Variants in NR2F1-AS1 observed in about 807,000 individuals in gnomAD.
NR2F1-AS1 encodes the protein NR2F1 antisense RNA 1.
chr5:93,493,582 T>C (rs1297891366), intron 4 of NR2F1-AS1, among the ~76,000 whole-genome samples: 11 of 151,842 alleles, frequency 7.2e-5, no homozygotes, highest in Admixed American at 7.2e-4. Context: ...GACTCAAAAT[T>C]CCCAATTTCA....
At chr5:93,518,019 C>T (rs1249053778) in intron 4 of NR2F1-AS1, among the ~76,000 whole-genome samples, 1 of 152,036 alleles carries the variant, frequency 6.6e-6, no homozygotes, top group Non-Finnish European at 1.5e-5. Flanking sequence ...TGGCCTTGAT[C>T]TTGGGGCTTA....
chr5:93,537,165 A>G (rs552231009), intron 4 of NR2F1-AS1, among the ~76,000 whole-genome samples: 10 of 152,348 alleles, frequency 6.6e-5, no homozygotes, highest in African/African-American at 2.4e-4. Context: ...CTCAAAATGG[A>G]TTAGACTTAA....
intron 1 of NR2F1-AS1, among the ~76,000 whole-genome samples, chr5:93,564,875 A>G (rs1752580011): frequency 2.0e-5 from 3 of 152,192 alleles, no homozygotes. Flanking sequence ...TTATATCTAA[A>G]TGACTTTCCA....
chr5:93,484,535 T>A (rs1750674442), intron 4 of NR2F1-AS1, among the ~76,000 whole-genome samples: 1 of 152,078 alleles, frequency 6.6e-6, no homozygotes, highest in South Asian at 2.1e-4. Flanking sequence ...ATGAAGAAAC[T>A]GCATCAACTA....
At chr5:93,455,843 GCACACACACACA>G (rs148016646) in intron 4 of NR2F1-AS1, among the ~76,000 whole-genome samples, 2 of 145,786 alleles carry the variant, frequency 1.4e-5, no homozygotes, top group African/African-American at 5.0e-5. Flanking sequence ...ACACACACAC[GCACACACACACA>G]CACACACACA....
chr5:93,540,228 A>G (rs540669390), intron 4 of NR2F1-AS1, among the ~76,000 whole-genome samples: 9 of 152,364 alleles, frequency 5.9e-5, no homozygotes, highest in Non-Finnish European at 1.2e-4. Context: ...ATGTGTCATG[A>G]AAAAGAAAAT....
intron 4 of NR2F1-AS1, among the ~76,000 whole-genome samples, chr5:93,482,866 C>G (rs1195740285): frequency 6.6e-6 from 1 of 152,212 alleles, no homozygotes; most frequent in African/African-American, 2.4e-5. Context: ...CCCACTGCAG[C>G]ATGGCAAAGC....
chr5:93,444,276 A>G (rs972999820), intron 4 of NR2F1-AS1, among the ~76,000 whole-genome samples: 1 of 152,212 alleles, frequency 6.6e-6, no homozygotes, highest in East Asian at 1.9e-4. Context: ...AAGAGTTAAG[A>G]TCCATCAGTG....
chr5:93,475,694 C>T (rs1180349586), intron 4 of NR2F1-AS1, among the ~76,000 whole-genome samples: 4 of 152,158 alleles, frequency 2.6e-5, no homozygotes, highest in Non-Finnish European at 5.9e-5. Context: ...GTTGCTAAAA[C>T]TCATATGATG....
intron 4 of NR2F1-AS1, among the ~76,000 whole-genome samples, chr5:93,448,834 G>A (rs1749771079): frequency 6.6e-6 from 1 of 152,132 alleles, no homozygotes; most frequent in South Asian, 2.1e-4. Context: ...GCTTTACTCA[G>A]TCTACCAATT....
At chr5:93,430,439 C>G (rs556407719) in intron 4 of NR2F1-AS1, among the ~76,000 whole-genome samples, 2 of 152,140 alleles carry the variant, frequency 1.3e-5, no homozygotes, top group South Asian at 4.1e-4. Flanking sequence ...CCCCAAGGGT[C>G]CTAAAACTGC....
At chr5:93,538,623 A>G (rs1370399443) in intron 4 of NR2F1-AS1, among the ~76,000 whole-genome samples, 2 of 152,196 alleles carry the variant, frequency 1.3e-5, no homozygotes, top group Non-Finnish European at 2.9e-5. Flanking sequence ...AATACTTCTT[A>G]TAATTTTTCT....
rs536333581 is a variant in NR2F1-AS1 at position 93,465,348 on chromosome 5, A to G, written n.639-69806T>C. 1.4e-3 allele frequency among the ~76,000 whole-genome samples: 210 copies of G among 152,282 alleles called. 1 individual carries two copies. The highest frequency in any genetic ancestry group is 6.2e-3 in the South Asian group (30 of 4,828). On this transcript the variant is annotated intron_variant and non_coding_transcript_variant, in intron 4 of 5. Coordinates refer to ENST00000660523, the Ensembl canonical transcript of NR2F1-AS1. ...AAATGCTCATGATCACTGGTCATCA[A>G]AGAAATGCAAATCAAAACCACAATG...
chr5:93,447,475 C>T (rs1204852018), intron 4 of NR2F1-AS1, among the ~76,000 whole-genome samples: 2 of 152,152 alleles, frequency 1.3e-5, no homozygotes, highest in East Asian at 3.9e-4. Context: ...CACTGGTCAT[C>T]AGAGAAATGC....
chr5:93,557,699 G>A (rs1268517016), intron 2 of NR2F1-AS1, among the ~76,000 whole-genome samples: 1 of 152,096 alleles, frequency 6.6e-6, no homozygotes, highest in Non-Finnish European at 1.5e-5. Flanking sequence ...CCGAAGTTTG[G>A]GTAGCTGTGG....
At chr5:93,544,983 T>C (rs1005101065) in intron 4 of NR2F1-AS1, 2 of 148,842 alleles carry the variant, frequency 1.3e-5, no homozygotes, top group Non-Finnish European at 3.0e-5. Context: ...ATCAATGATA[T>C]CAGAAATTAT....
chr5:93,565,126 G>T (rs146450267), intron 1 of NR2F1-AS1, among the ~76,000 whole-genome samples: 24 of 152,312 alleles, frequency 1.6e-4, no homozygotes, highest in African/African-American at 5.8e-4. Flanking sequence ...CAGGAAAACT[G>T]AGTTTTATTC....
chr5:93,529,557 C>T (rs1187457303), intron 4 of NR2F1-AS1, among the ~76,000 whole-genome samples: 1 of 151,964 alleles, frequency 6.6e-6, no homozygotes, highest in Non-Finnish European at 1.5e-5. Context: ...GAGTCAAGGC[C>T]AAGGTGACCA....
intron 4 of NR2F1-AS1, among the ~76,000 whole-genome samples, chr5:93,551,970 G>T (rs776795317): frequency 6.6e-6 from 1 of 152,092 alleles, no homozygotes; most frequent in Non-Finnish European, 1.5e-5. Context: ...CTCCACTTGG[G>T]AATTCACGTT....
Sources: allele counts gnomAD v4.1 joint callset (sites outside exome capture counted in the v4.1 genomes callset), GRCh38; gene constraint gnomAD v4.1.1; transcripts MANE v1.5; gene names NCBI Gene and HGNC (gene_info 2026-07-23, HGNC 2026-07-21).